SLC17A6: variants seen among roughly 807,000 people sequenced by gnomAD.
SLC17A6 encodes the protein vesicular glutamate transporter 2.
Under a neutral mutation model 67.1 loss-of-function variants are expected in SLC17A6, and 35 were observed. The observed-to-expected ratio is 0.52, with a 90% CI of 0.40 to 0.69. SLC17A6 has a LOEUF of 0.69. SLC17A6 is among the 30% of genes least tolerant of loss of function. The pLI, the probability that SLC17A6 is intolerant of heterozygous loss-of-function variation, is 0.00. For missense variants in SLC17A6, 588 were observed against 723.9 expected (o/e 0.81, Z 2.15); for synonymous variants, 285 against 252.3 (o/e 1.13, Z -1.23).
chr11:22,373,104 A>G (rs1231210284), intron 8 of SLC17A6, among the ~76,000 whole-genome samples: 1 of 152,200 alleles, frequency 6.6e-6, no homozygotes, highest in Non-Finnish European at 1.5e-5. Flanking sequence ...TGAAAAAATA[A>G]CCATAGCTTT....
In SLC17A6 at chr11:22,377,385, G is replaced by T. The variant is rs1173596617; in HGVS notation, c.1414-20G>T. The T allele has an allele frequency of 2.5e-6, 4 of 1,580,520 alleles. No individual in the cohort carries two copies. ...ATCATGGGGAGTCAGTTCTCACAGT[G>T]CTGCTTTTTCTCACTGCAGTCACGT... On this transcript the variant is annotated intron_variant, in intron 11 of 11. Transcript: ENST00000263160.
intron 1 of SLC17A6, 92 bp downstream of exon 1, chr11:22,338,711 T>A: frequency 1.1e-6 from 1 of 928,856 alleles, no homozygotes; most frequent in Non-Finnish European, 1.7e-6. Flanking sequence ...AGAAAGATTG[T>A]AATATGATCG....
chr11:22,341,639 C>T lies in SLC17A6; in HGVS notation c.198C>T (p.Gly66=), dbSNP rs200714817. 1.6e-5 allele frequency: 26 copies of T among 1,613,826 alleles called. No individual in the cohort carries two copies. In the East Asian group the frequency reaches 5.6e-4, roughly 35 times the overall value. Residue 66 remains glycine, a synonymous_variant, in exon 2 of 12, where the codon GGC becomes GGT. Coordinates refer to ENST00000263160, the MANE Select transcript of SLC17A6 (RefSeq NM_020346.3). ...KAPLCDCTCF[G]LPRRYIIAIM... is the part of the protein sequence containing the mutation. ...CGCTGTGCGACTGCACGTGCTTCGG[C>T]CTGCCCCGCCGCTACATTATCGCCA...
intron 3 of SLC17A6, among the ~76,000 whole-genome samples, chr11:22,345,916 G>T (rs1032947139): frequency 6.6e-6 from 1 of 152,096 alleles, no homozygotes; most frequent in African/African-American, 2.4e-5. Context: ...ATGCTACATA[G>T]AATTTTACCT....
chr11:22,359,408 T>A lies in SLC17A6; in HGVS notation c.459-5T>A. The A allele has an allele frequency of 6.4e-7, 1 of 1,557,202 alleles. No individual in the cohort carries two copies. The highest frequency in any genetic ancestry group is 8.7e-7 in the Non-Finnish European group (1 of 1,148,784). ...TAAACAGTGTTCTCATCTTTTCTAT[T>A]TCAGGGTTTTCGGAGCTGCCATACT... On this transcript the variant is annotated splice_polypyrimidine_tract_variant and splice_region_variant and intron_variant, in intron 3 of 11. Coordinates refer to ENST00000263160, the MANE Select transcript of SLC17A6 (RefSeq NM_020346.3).
Position 22,341,775 on chromosome 11 carries a change from A to C in SLC17A6, c.334A>C (p.Lys112Gln). Reference protein sequence around the residue: ...STIHRGGKVIKEKAKFNWDPE... With the variant: ...STIHRGGKVIQEKAKFNWDPE... ...CATCCACCGCGGGGGCAAGGTCATC[A>C]AGGAGGTGGGCAACGTCTGGCCGCC... Residue 112 changes from lysine to glutamine, a missense_variant, in exon 2 of 12, where the codon AAG becomes CAG. Lys to Gln is a moderately conservative substitution (Grantham distance 53). Coordinates refer to ENST00000263160, the MANE Select transcript of SLC17A6 (RefSeq NM_020346.3). The C allele has an allele frequency of 6.2e-7, 1 of 1,613,666 alleles. No homozygotes were observed. Among genetic ancestry groups the C allele is most frequent in the East Asian group, 2.2e-5 (1 of 44,858 alleles).
intron 9 of SLC17A6, among the ~76,000 whole-genome samples, chr11:22,375,336 C>A (rs182882876): frequency 0.028 from 4,194 of 151,844 alleles, 175 homozygotes; most frequent in Admixed American, 0.13. Flanking sequence ...CACACCATTG[C>A]ACTCCAGCCT....
chr11:22,349,835 A>G (rs1290428684), intron 3 of SLC17A6, among the ~76,000 whole-genome samples: 3 of 152,196 alleles, frequency 2.0e-5, no homozygotes, highest in Non-Finnish European at 4.4e-5. Flanking sequence ...GGAGGCATCC[A>G]AGCCCTGATT....
Position 22,379,386 on chromosome 11 carries a change from C to G in SLC17A6, c.*1646C>G, listed in dbSNP as rs886729520. On this transcript the variant is annotated 3_prime_UTR_variant, in exon 12 of 12. Transcript: ENST00000263160. ...AAAAAAAATACCCTTTGCTTTGTGC[C>G]TCAAAGTGATGTAATGTGATCACAG... 1.3e-5 allele frequency: 2 copies of G among 152,242 alleles called. No individual in the cohort carries two copies. The highest frequency in any genetic ancestry group is 2.9e-5 in the Non-Finnish European group (2 of 67,936). The allele number at this position is 152,242 out of a possible 1,614,324, so 9.4% of individuals were successfully genotyped here. A position where few individuals can be genotyped will look rare whatever the true frequency, so the allele number is the denominator to read the frequency against.
At chr11:22,345,428 C>T (rs1855865980) in intron 3 of SLC17A6, among the ~76,000 whole-genome samples, 1 of 151,860 alleles carries the variant, frequency 6.6e-6, no homozygotes, top group Non-Finnish European at 1.5e-5. Flanking sequence ...TCTCCTGCCT[C>T]AGCCTCCCGA....
chr11:22,341,799 C>T lies in SLC17A6; in HGVS notation c.339+19C>T, dbSNP rs1855819207. On this transcript the variant is annotated intron_variant, in intron 2 of 11. Transcript: ENST00000263160. ...CAAGGAGGTGGGCAACGTCTGGCCG[C>T]CCTGGCTCCTGCCCTTCGGCCATGC... 1 of 1,611,830 alleles carries T rather than the reference C, an allele frequency of 6.2e-7. No homozygotes were observed. The highest frequency in any genetic ancestry group is 1.1e-5 in the South Asian group (1 of 91,000).
intron 3 of SLC17A6, among the ~76,000 whole-genome samples, chr11:22,353,924 A>T (rs1050062471): frequency 4.6e-5 from 7 of 152,174 alleles, no homozygotes; most frequent in Non-Finnish European, 1.0e-4. Flanking sequence ...GAAATACTAG[A>T]ATAACCTGGG....
At chr11:22,364,201 T>C (rs569016284) in intron 6 of SLC17A6, among the ~76,000 whole-genome samples, 4 of 152,214 alleles carry the variant, frequency 2.6e-5, no homozygotes, top group African/African-American at 4.8e-5. Flanking sequence ...AAGATCAGTA[T>C]AGTGGGGTAA....
At chr11:22,358,206 G>T (rs1339742159) in intron 3 of SLC17A6, among the ~76,000 whole-genome samples, 2 of 151,534 alleles carry the variant, frequency 1.3e-5, no homozygotes, top group Non-Finnish European at 1.5e-5. Context: ...AAAATATATA[G>T]ATTAGCTCAT....
chr11:22,358,059 T>A (rs1856010282), intron 3 of SLC17A6, among the ~76,000 whole-genome samples: 3 of 152,168 alleles, frequency 2.0e-5, no homozygotes, highest in Admixed American at 2.0e-4. Flanking sequence ...TTAATAATAA[T>A]CATAGAGGGT....
rs1164063025 is a variant in SLC17A6 at position 22,338,518 on chromosome 11, AAC to A, written c.-14_-13del. 10 of 1,580,164 alleles carry A rather than the reference AAC, an allele frequency of 6.3e-6. No homozygotes were observed. The African/African-American group carries it at 9.4e-5, about 15-fold the overall frequency. ...CTATTTAAATCTGGCAAGAACTGACAACAGTCTTTGCAAGAATGGAATCCGTA... is the reference window on the plus strand; with the variant it reads ...CTATTTAAATCTGGCAAGAACTGACAAGTCTTTGCAAGAATGGAATCCGTA... On this transcript the variant is annotated 5_prime_UTR_variant, in exon 1 of 12. Transcript: ENST00000263160.
At chr11:22,349,132 C>T (rs1390337889) in intron 3 of SLC17A6, among the ~76,000 whole-genome samples, 1 of 152,144 alleles carries the variant, frequency 6.6e-6, no homozygotes, top group African/African-American at 2.4e-5. Context: ...CCATTGCAAC[C>T]TCCATTGCAA....
rs1855785578 is a variant in SLC17A6, at chr11:22,339,300, C to A, written c.86+681C>A. Among the ~76,000 whole-genome samples the A allele has an allele frequency of 2.7e-5, 4 of 150,314 alleles. No homozygotes were observed. The South Asian group carries it at 8.4e-4, about 31-fold the overall frequency. On this transcript the variant is annotated intron_variant, in intron 1 of 11. Coordinates refer to ENST00000263160, the MANE Select transcript of SLC17A6 (RefSeq NM_020346.3). ...TCTTCTGTATTGAATGAAGAAGAATCAAAATATATCAATAATTGATAGTTG... is the reference window on the plus strand; with the variant it reads ...TCTTCTGTATTGAATGAAGAAGAATAAAAATATATCAATAATTGATAGTTG...
At chr11:22,343,508 A>C in intron 3 of SLC17A6, 143 bp downstream of exon 3, 11 of 631,190 alleles carry the variant, frequency 1.7e-5, no homozygotes, top group East Asian at 2.9e-5. Flanking sequence ...ACACCCTCTC[A>C]GGGCTGGAGC....
Sources: allele counts gnomAD v4.1 joint callset (sites outside exome capture counted in the v4.1 genomes callset), GRCh38; gene constraint gnomAD v4.1.1; transcripts MANE v1.5; gene names NCBI Gene and HGNC (gene_info 2026-07-23, HGNC 2026-07-21).